TRPC5: variants seen among roughly 807,000 people sequenced by gnomAD.
The protein encoded by TRPC5 is transient receptor potential cation channel subfamily C member 5.
A neutral mutation model predicts 56.5 loss-of-function variants in TRPC5; 9 were observed. The observed-to-expected ratio is 0.16, with a 90% CI of 0.10 to 0.28. The LOEUF is 0.28. Among genes scored for constraint, TRPC5 ranks in the 10% least tolerant of loss-of-function variants. The pLI, the probability that TRPC5 is intolerant of heterozygous loss-of-function variation, is 1.00. For missense variants in TRPC5, 469 were observed against 748.9 expected (o/e 0.63, Z 4.36); for synonymous variants, 282 against 278.5 (o/e 1.01, Z -0.13).
At chrX:111,934,512 C>A (rs1386973083) in intron 2 of TRPC5, among the ~76,000 whole-genome samples, 1 of 110,844 alleles carries the variant, frequency 9.0e-6, no homozygotes, top group Non-Finnish European at 1.9e-5. Flanking sequence ...TTAAAATGTA[C>A]CGTAAAATAT....
chrX:112,016,212 G>A (rs1376266073), intron 1 of TRPC5, among the ~76,000 whole-genome samples: 1 of 111,543 alleles, frequency 9.0e-6, no homozygotes, highest in East Asian at 2.8e-4. Context: ...TGTTTGCTTA[G>A]AATGACCGGC....
chrX:111,977,372 T>C (rs1927959318), intron 1 of TRPC5, among the ~76,000 whole-genome samples: 1 of 110,989 alleles, frequency 9.0e-6, no homozygotes, highest in East Asian at 2.8e-4. Context: ...AAACGCAAAA[T>C]GGAAAAAGGA....
At chrX:112,064,534 A>C (rs1226878942) in intron 1 of TRPC5, among the ~76,000 whole-genome samples, 1 of 111,897 alleles carries the variant, frequency 8.9e-6, no homozygotes, top group Non-Finnish European at 1.9e-5. Flanking sequence ...GCTGGCTTCC[A>C]AAATGCAAAG....
intron 2 of TRPC5, among the ~76,000 whole-genome samples, chrX:111,920,534 G>A (rs796643928): frequency 9.0e-6 from 1 of 110,862 alleles, no homozygotes; most frequent in Non-Finnish European, 1.9e-5. Context: ...TTACTAAATT[G>A]TATCAGTTTC....
At chrX:112,009,829 C>G (rs2148662410) in intron 1 of TRPC5, among the ~76,000 whole-genome samples, 1 of 110,814 alleles carries the variant, frequency 9.0e-6, no homozygotes, top group Admixed American at 9.6e-5. Flanking sequence ...GGGAGCATCA[C>G]ACACCGGGGC....
chrX:111,893,055 G>C (rs187729176), intron 3 of TRPC5, among the ~76,000 whole-genome samples: 3 of 107,909 alleles, frequency 2.8e-5, no homozygotes, highest in Non-Finnish European at 3.8e-5. Context: ...TTAGTAAGTG[G>C]TGAAGTTGAA....
intron 7 of TRPC5, among the ~76,000 whole-genome samples, chrX:111,803,733 G>A (rs1921398805): frequency 9.0e-6 from 1 of 111,683 alleles, no homozygotes; most frequent in Non-Finnish European, 1.9e-5. Context: ...TGTGTTCTTT[G>A]TAGATTCTGG....
intron 3 of TRPC5, among the ~76,000 whole-genome samples, chrX:111,885,988 GT>G (rs199615587): frequency 9.0e-6 from 1 of 111,516 alleles, no homozygotes; most frequent in East Asian, 2.8e-4. Flanking sequence ...TAAAAATAAT[GT>G]TTTTTTTCTG....
rs2148583454 is a variant in TRPC5 at position 111,846,975 on chromosome X, GGTGGATCCACA to G, written c.1700+128_1700+138del. 3 of 657,584 alleles carry G rather than the reference GGTGGATCCACA, an allele frequency of 4.6e-6. No homozygotes were observed. The East Asian group carries it at 1.0e-4, about 22-fold the overall frequency. The allele number at this position is 657,584 out of a possible 1,213,427, so 54.2% of individuals were successfully genotyped here. A position where few individuals can be genotyped will look rare whatever the true frequency, so the allele number is the denominator to read the frequency against. The stretch of plus-strand genomic sequence containing the variant: ...ACATTCCTCCACCTCTGACCCTTCG[GGTGGATCCACA>G]GTGAGCACTGCCTTCACAGTCAAGT... On this transcript the variant is annotated intron_variant, in intron 6 of 10. Coordinates refer to ENST00000262839, the MANE Select transcript of TRPC5 (RefSeq NM_012471.3).
At chrX:111,834,137 A>G (rs750849723) in intron 7 of TRPC5, among the ~76,000 whole-genome samples, 1 of 112,312 alleles carries the variant, frequency 8.9e-6, no homozygotes, top group South Asian at 3.7e-4. Context: ...CAGGGCAGGG[A>G]CTAAATTGAT....
In TRPC5 at chrX:111,809,868, G is replaced by A. The variant is rs181234112; in HGVS notation, c.1896+25053C>T. 1.4e-4 allele frequency among the ~76,000 whole-genome samples: 15 copies of A among 108,308 alleles called. No individual in the cohort carries two copies. The East Asian group carries it at 4.1e-3, about 29-fold the overall frequency. 94.1% of individuals were successfully genotyped at this position (108,308 alleles called of 115,157 possible). A position where few individuals can be genotyped will look rare whatever the true frequency, so the allele number is the denominator to read the frequency against. On this transcript the variant is annotated intron_variant, in intron 7 of 10. Coordinates refer to ENST00000262839, the MANE Select transcript of TRPC5 (RefSeq NM_012471.3). The stretch of plus-strand genomic sequence containing the variant: ...TATTATTAACTATGGTCACCATGCC[G>A]TAGTCTTCATTTTGTTTTTTTTTTT...
intron 1 of TRPC5, among the ~76,000 whole-genome samples, chrX:112,023,264 T>G (rs998692109): frequency 6.0e-5 from 6 of 99,460 alleles, no homozygotes; most frequent in African/African-American, 1.5e-4. Context: ...TTTTTTTTTT[T>G]TTTTTTTTTT....
chrX:111,781,976 G>A lies in TRPC5; in HGVS notation c.2059C>T (p.Pro687Ser), dbSNP rs377382653. ...FNNTFCPKRD[P>S]DGRRRRRNLR... ...TTGCGCCTTCTCCGTCTACCGTCAG[G>A]GTCTCTTTTGGGGCAGAAGGTGTTG... The change falls in exon 8 of 11, where the codon CCT (proline) becomes TCT (serine). Residue 687 changes from proline to serine, a missense_variant. Around this residue, in one of 3 missense-constraint regions of TRPC5, gnomAD observed 194 missense variants for 221.8 expected, o/e 0.87. Transcript: ENST00000262839. 1.7e-6 allele frequency: 2 copies of A among 1,206,353 alleles called. No individual in the cohort carries two copies. Among genetic ancestry groups the A allele is most frequent in the South Asian group, 1.8e-5 (1 of 55,852 alleles).
At position 111,781,985 on chromosome X, in the gene TRPC5, T is replaced by C. The variant is rs1049428305; in HGVS notation, c.2050A>G (p.Lys684Glu). ...CTCCGTCTACCGTCAGGGTCTCTTT[T>C]GGGGCAGAAGGTGTTGTTGAACCAG... ...GNWFNNTFCPKRDPDGRRRRR... is the reference protein window; with the variant it reads ...GNWFNNTFCPERDPDGRRRRR... The change falls in exon 8 of 11, where the codon AAA becomes GAA. Residue 684 changes from lysine to glutamate, a missense_variant. Physicochemically the swap from Lys to Glu is moderately conservative, Grantham distance 56 (BLOSUM62 1). This residue lies in a region of TRPC5 where 194 missense variants were observed against 221.8 expected (regional missense o/e 0.87). Coordinates refer to ENST00000262839, the MANE Select transcript of TRPC5 (RefSeq NM_012471.3). 8.3e-7 allele frequency: 1 copy of C among 1,209,385 alleles called. No individual in the cohort carries two copies. Among genetic ancestry groups the C allele is most frequent in the Non-Finnish European group, 1.1e-6 (1 of 894,203 alleles).
At chrX:111,960,364 G>A (rs1486333981) in intron 1 of TRPC5, among the ~76,000 whole-genome samples, 1 of 112,256 alleles carries the variant, frequency 8.9e-6, no homozygotes, top group Non-Finnish European at 1.9e-5. Context: ...CCAATGTCCA[G>A]GGGAGGTTTG....
intron 7 of TRPC5, among the ~76,000 whole-genome samples, chrX:111,834,320 G>C (rs759452496): frequency 8.9e-6 from 1 of 112,035 alleles, no homozygotes; most frequent in South Asian, 3.8e-4. Flanking sequence ...GCTGGGTGCA[G>C]TGGCTGATGC....
rs765980769 is a variant in TRPC5 at position 111,936,348 on chromosome X, TTTA to T, written c.378+15692_378+15694del. 1.2e-4 allele frequency among the ~76,000 whole-genome samples: 13 copies of T among 110,899 alleles called. No homozygotes were observed. In the East Asian group the frequency reaches 3.7e-3, roughly 31 times the overall value. ...TGTTTATCAGTTCTTTTTTTTTTCT[TTTA>T]TTATTATTATACTTTAAGTTTTAGG... On this transcript the variant is annotated intron_variant, in intron 2 of 10. Coordinates refer to ENST00000262839, the MANE Select transcript of TRPC5 (RefSeq NM_012471.3).
At chrX:112,057,176 T>C (rs367913359) in intron 1 of TRPC5, among the ~76,000 whole-genome samples, 1 of 111,865 alleles carries the variant, frequency 8.9e-6, no homozygotes, top group East Asian at 2.8e-4. Flanking sequence ...AAAAATATAG[T>C]GGGAGAAACA....
chrX:112,074,374 G>A (rs1323386763), intron 1 of TRPC5, among the ~76,000 whole-genome samples: 2 of 109,177 alleles, frequency 1.8e-5, no homozygotes, highest in African/African-American at 6.7e-5. Flanking sequence ...CTATCGCAAG[G>A]ACAAAAAGCC....
Sources: gnomAD v4.1 joint callset for allele counts (sites outside exome capture counted in the v4.1 genomes callset) on GRCh38, gnomAD v4.1.1 for gene constraint, gnomAD v4.1.1 regional missense constraint, MANE v1.5 for transcripts, NCBI Gene and HGNC (gene_info 2026-07-23, HGNC 2026-07-21) for gene names.